The following GAS2 variants were observed in gnomAD, a reference collection of about 807,000 sequenced individuals.
The protein encoded by GAS2 is growth arrest-specific protein 2.
A neutral mutation model predicts 37.5 loss-of-function variants in GAS2; 20 were observed. The observed-to-expected ratio is 0.53, with a 90% CI of 0.37 to 0.77. The LOEUF is 0.77. Ranked by LOEUF, GAS2 falls within the 30% of genes least tolerant of loss-of-function variation. The probability of loss-of-function intolerance (pLI) is 0.00; values close to 1 mark genes in which losing one functional copy is unlikely to be tolerated. For missense variants in GAS2, 336 were observed against 373.4 expected, an observed-to-expected ratio of 0.90 and a Z score of 0.82; for synonymous variants, 144 against 132.2, an observed-to-expected ratio of 1.09 and a Z score of -0.61.
At chr11:22,676,327 G>T (rs571677566) in intron 2 of GAS2, among the ~76,000 whole-genome samples, 2 of 152,102 alleles carry the variant, frequency 1.3e-5, no homozygotes, top group Admixed American at 1.3e-4. Flanking sequence ...TCTCTCTTCT[G>T]TCTTTTTGGG....
intron 3 of GAS2, among the ~76,000 whole-genome samples, chr11:22,701,063 A>G (rs1199528040): frequency 2.6e-5 from 4 of 152,300 alleles, no homozygotes; most frequent in East Asian, 3.9e-4. Context: ...CCAAAGCACT[A>G]TTTAACAACC....
At chr11:22,694,341 A>C (rs989903027) in intron 3 of GAS2, among the ~76,000 whole-genome samples, 7 of 152,140 alleles carry the variant, frequency 4.6e-5, no homozygotes, top group Non-Finnish European at 2.9e-5. Flanking sequence ...ATTAAGTGCC[A>C]ACGTGTGTTC....
At chr11:22,638,764 C>G (rs756129008) in intron 1 of GAS2, among the ~76,000 whole-genome samples, 5 of 152,232 alleles carry the variant, frequency 3.3e-5, no homozygotes, top group African/African-American at 1.2e-4. Flanking sequence ...CAAGGACATG[C>G]ACACCAATTA....
At chr11:22,631,171 A>G (rs1239114751) in intron 1 of GAS2, among the ~76,000 whole-genome samples, 4 of 152,040 alleles carry the variant, frequency 2.6e-5, no homozygotes, top group Non-Finnish European at 4.4e-5. Context: ...AGCAGTGTAC[A>G]TTGTGTTTGG....
chr11:22,645,919 C>A (rs1487093823), intron 1 of GAS2, among the ~76,000 whole-genome samples: 3 of 149,206 alleles, frequency 2.0e-5, no homozygotes, highest in African/African-American at 7.4e-5. Context: ...TCTCGGCTCA[C>A]TGCAACCTCC....
At chr11:22,658,566 A>C (rs1848881586) in intron 1 of GAS2, among the ~76,000 whole-genome samples, 1 of 152,212 alleles carries the variant, frequency 6.6e-6, no homozygotes, top group African/African-American at 2.4e-5. Context: ...TCCAAAAAAA[A>C]TCTAGGGGGT....
intron 7 of GAS2, among the ~76,000 whole-genome samples, chr11:22,787,043 G>C (rs1476162806): frequency 3.9e-5 from 6 of 152,032 alleles, no homozygotes. Flanking sequence ...TTCCCCACAT[G>C]AATTCTTTTT....
At chr11:22,753,164 T>A (rs1853839511) in intron 6 of GAS2, among the ~76,000 whole-genome samples, 1 of 152,094 alleles carries the variant, frequency 6.6e-6, no homozygotes, top group African/African-American at 2.4e-5. Context: ...AGCAGAAAAC[T>A]GGCTGGGTTC....
At chr11:22,723,119 A>G (rs995401595) in intron 3 of GAS2, among the ~76,000 whole-genome samples, 1 of 151,876 alleles carries the variant, frequency 6.6e-6, no homozygotes, top group Non-Finnish European at 1.5e-5. Flanking sequence ...GGAAGCTTCT[A>G]TTCACACTGT....
rs189875432 is a variant in GAS2, at chr11:22,634,398, C to T, written c.-21+8585C>T. Among the ~76,000 whole-genome samples, 174 of 152,274 alleles carry T rather than the reference C, an allele frequency of 1.1e-3. 1 individual carries two copies. The highest frequency in any genetic ancestry group is 2.1e-3 in the Non-Finnish European group (140 of 68,022). On this transcript the variant is annotated intron_variant, in intron 1 of 5. Transcript: ENST00000528582. ...CATATCAGGAAGAAAAAGTCTTCTT[C>T]CCCAGGTTCCTTCATGAGCACCAGG...
chr11:22,787,142 T>C (rs1411161125), intron 7 of GAS2, among the ~76,000 whole-genome samples: 1 of 152,190 alleles, frequency 6.6e-6, no homozygotes, highest in Non-Finnish European at 1.5e-5. Context: ...AGAGAATAGA[T>C]ACTAATGAAA....
At chr11:22,631,736 A>T (rs1165165917) in intron 1 of GAS2, among the ~76,000 whole-genome samples, 2 of 148,884 alleles carry the variant, frequency 1.3e-5, no homozygotes, top group Non-Finnish European at 3.0e-5. Flanking sequence ...ATTTTGTTGA[A>T]TTTTTTTTTT....
intron 1 of GAS2, among the ~76,000 whole-genome samples, chr11:22,645,848 T>G (rs1284020544): frequency 5.5e-5 from 8 of 146,606 alleles, no homozygotes; most frequent in Admixed American, 5.4e-4. Context: ...TTCTTTTCTT[T>G]TTTTTTTTTT....
At chr11:22,804,252 T>G (rs1856793684) in intron 7 of GAS2, among the ~76,000 whole-genome samples, 1 of 151,950 alleles carries the variant, frequency 6.6e-6, no homozygotes, top group South Asian at 2.1e-4. Context: ...ATGGCAAAAC[T>G]TAACAATGTA....
chr11:22,800,233 G>T (rs989448611), intron 7 of GAS2, among the ~76,000 whole-genome samples: 1 of 152,082 alleles, frequency 6.6e-6, no homozygotes, highest in Non-Finnish European at 1.5e-5. Flanking sequence ...GATGAGGGTA[G>T]AAGTAAAAGA....
At chr11:22,785,601 G>A (rs1339093094) in intron 7 of GAS2, among the ~76,000 whole-genome samples, 1 of 152,116 alleles carries the variant, frequency 6.6e-6, no homozygotes, top group South Asian at 2.1e-4. Flanking sequence ...GACAATTTAT[G>A]CAGATTACAA....
intron 3 of GAS2, among the ~76,000 whole-genome samples, chr11:22,696,341 A>G (rs1850514929): frequency 6.6e-6 from 1 of 151,968 alleles, no homozygotes; most frequent in Non-Finnish European, 1.5e-5. Context: ...CCAGTCTATC[A>G]TTGTTGGACA....
intron 1 of GAS2, among the ~76,000 whole-genome samples, chr11:22,641,222 G>GTGTGTGTATATATATA (rs1848621549): frequency 7.6e-6 from 1 of 131,886 alleles, no homozygotes; most frequent in Non-Finnish European, 1.6e-5. Flanking sequence ...ATATATATGT[G>GTGTGTGTATATATATA]TGTGTGTATA....
intron 1 of GAS2, among the ~76,000 whole-genome samples, chr11:22,634,740 T>C (rs1286767932): frequency 6.6e-6 from 1 of 152,162 alleles, no homozygotes; most frequent in African/African-American, 2.4e-5. Context: ...GGACCTGTTC[T>C]CTAATCTCAC....
Sources: gnomAD v4.1 joint callset for allele counts (sites outside exome capture counted in the v4.1 genomes callset) on GRCh38, gnomAD v4.1.1 for gene constraint, MANE v1.5 for transcripts, NCBI Gene and HGNC (gene_info 2026-07-23, HGNC 2026-07-21) for gene names.